The following PRKCE variants were observed in gnomAD, a reference collection of about 807,000 sequenced individuals.
The protein encoded by PRKCE is protein kinase C epsilon, also known as protein kinase C epsilon type.
Under a neutral mutation model 85.4 loss-of-function variants are expected in PRKCE, and 16 were observed. The observed-to-expected ratio is 0.19, with a 90% CI of 0.13 to 0.28. The LOEUF is 0.28. PRKCE is among the 10% of genes least tolerant of loss of function. PRKCE has a pLI of 1.00. For missense variants in PRKCE, 573 were observed against 975.2 expected, an observed-to-expected ratio of 0.59 and a Z score of 5.49; for synonymous variants, 388 against 371.5, an observed-to-expected ratio of 1.04 and a Z score of -0.51.
intron 1 of PRKCE, among the ~76,000 whole-genome samples, chr2:45,670,527 C>T (rs189549841): frequency 1.3e-5 from 2 of 151,984 alleles, no homozygotes; most frequent in Non-Finnish European, 1.5e-5. Context: ...TATGTGAGTA[C>T]GTATGATCTT....
intron 1 of PRKCE, among the ~76,000 whole-genome samples, chr2:45,729,943 G>T (rs1360448838): frequency 6.6e-6 from 1 of 152,180 alleles, no homozygotes; most frequent in Non-Finnish European, 1.5e-5. Flanking sequence ...AGATCTTTGG[G>T]TCCTGGGCAT....
At chr2:46,121,959 T>C (rs1673352980) in intron 11 of PRKCE, among the ~76,000 whole-genome samples, 1 of 152,208 alleles carries the variant, frequency 6.6e-6, no homozygotes, top group African/African-American at 2.4e-5. Context: ...TCTCTTTTTT[T>C]CACCCTTTTT....
At chr2:46,054,452 C>G (rs1231972150) in intron 10 of PRKCE, among the ~76,000 whole-genome samples, 6 of 152,182 alleles carry the variant, frequency 3.9e-5, no homozygotes, top group East Asian at 1.9e-4. Context: ...CAGAATACCC[C>G]CTCAGCCTCT....
At chr2:45,696,758 C>T (rs926153717) in intron 1 of PRKCE, among the ~76,000 whole-genome samples, 6 of 152,218 alleles carry the variant, frequency 3.9e-5, no homozygotes, top group Non-Finnish European at 8.8e-5. Context: ...CATTGTTCCA[C>T]AGAGTGAAAT....
chr2:45,976,664 T>C (rs1197537260), intron 3 of PRKCE, 76 bp downstream of exon 3: 2 of 1,486,270 alleles, frequency 1.3e-6, no homozygotes, highest in African/African-American at 1.4e-5. Context: ...GGGGAGACTA[T>C]GCACCTCATT....
chr2:45,883,521 C>T (rs372723808), intron 2 of PRKCE, among the ~76,000 whole-genome samples: 153 of 152,330 alleles, frequency 1.0e-3, no homozygotes, highest in African/African-American at 3.4e-3. Context: ...TACCCTTCTC[C>T]GCATGTGCCA....
intron 1 of PRKCE, among the ~76,000 whole-genome samples, chr2:45,821,678 C>T (rs1024027969): frequency 1.3e-5 from 2 of 152,102 alleles, no homozygotes; most frequent in African/African-American, 4.8e-5. Context: ...CCGGCCTGAG[C>T]ATTGGGCACT....
chr2:45,795,433 C>T (rs1387920359), intron 1 of PRKCE, among the ~76,000 whole-genome samples: 4 of 152,042 alleles, frequency 2.6e-5, no homozygotes, highest in Admixed American at 2.6e-4. Context: ...CTCAGCCTCC[C>T]GAGTAGCTGG....
intron 1 of PRKCE, among the ~76,000 whole-genome samples, chr2:45,661,685 C>T (rs1009541223): frequency 1.3e-4 from 20 of 148,906 alleles, no homozygotes; most frequent in African/African-American, 2.7e-4. Context: ...CCCGCCACCA[C>T]GCCCAGCTAA....
intron 2 of PRKCE, among the ~76,000 whole-genome samples, chr2:45,910,665 A>G (rs1697320170): frequency 6.6e-6 from 1 of 152,232 alleles, no homozygotes; most frequent in Non-Finnish European, 1.5e-5. Flanking sequence ...AGTGTCTCAC[A>G]GCAGGGGCTC....
chr2:46,029,038 A>C (rs971418577), intron 10 of PRKCE, among the ~76,000 whole-genome samples: 1 of 152,026 alleles, frequency 6.6e-6, no homozygotes, highest in Admixed American at 6.5e-5. Context: ...TATATACCAC[A>C]TTTTCTTTAC....
intron 11 of PRKCE, among the ~76,000 whole-genome samples, chr2:46,127,095 T>G (rs987021098): frequency 1.3e-5 from 2 of 152,150 alleles, no homozygotes; most frequent in African/African-American, 4.8e-5. Context: ...GCCCACAGAT[T>G]TGGGCCTTCC....
chr2:46,009,792 T>C (rs1396588639), intron 9 of PRKCE, among the ~76,000 whole-genome samples: 1 of 152,224 alleles, frequency 6.6e-6, no homozygotes, highest in Non-Finnish European at 1.5e-5. Flanking sequence ...TTTACTTGAA[T>C]TGAGTATAAG....
chr2:45,700,174 G>A (rs1418420106), intron 1 of PRKCE, among the ~76,000 whole-genome samples: 7 of 149,178 alleles, frequency 4.7e-5, no homozygotes, highest in East Asian at 3.9e-4. Flanking sequence ...AGGCCCTGCC[G>A]GGAGCCAGGG....
intron 1 of PRKCE, among the ~76,000 whole-genome samples, chr2:45,769,912 G>T (rs1455745193): frequency 1.3e-5 from 2 of 152,226 alleles, no homozygotes; most frequent in Admixed American, 6.5e-5. Context: ...ACATGTACAC[G>T]GCGCCAATCT....
rs1182612116 is a variant in PRKCE at position 45,669,836 on chromosome 2, C to A, written c.348+17388C>A. Among the ~76,000 whole-genome samples the A allele has an allele frequency of 2.6e-5, 4 of 152,032 alleles. 1 individual carries two copies. The highest frequency in any genetic ancestry group is 3.9e-4 in the East Asian group (2 of 5,182). ...GACCAGCCTGGCCAACATGGCGAAA[C>A]CCCGTCTCTACTAAAAATACAAAAA... On this transcript the variant is annotated intron_variant, in intron 1 of 14. Transcript: ENST00000306156.
At chr2:46,036,152 G>A (rs1301376739) in intron 10 of PRKCE, among the ~76,000 whole-genome samples, 3 of 152,222 alleles carry the variant, frequency 2.0e-5, no homozygotes, top group Non-Finnish European at 1.5e-5. Context: ...TCCTGTGGCA[G>A]GAGTGTGTCT....
At chr2:45,838,522 C>T (rs1691080668) in intron 1 of PRKCE, among the ~76,000 whole-genome samples, 1 of 152,170 alleles carries the variant, frequency 6.6e-6, no homozygotes, top group African/African-American at 2.4e-5. Flanking sequence ...CCCGATGCCC[C>T]CGAATACCCT....
chr2:45,716,456 G>T (rs190748950), intron 1 of PRKCE, among the ~76,000 whole-genome samples: 1 of 152,062 alleles, frequency 6.6e-6, no homozygotes, highest in Non-Finnish European at 1.5e-5. Context: ...AGCAGAAGTT[G>T]CAGAGAGCCA....
Sources: gnomAD v4.1 joint callset for allele counts (sites outside exome capture counted in the v4.1 genomes callset) on GRCh38, gnomAD v4.1.1 for gene constraint, MANE v1.5 for transcripts, NCBI Gene and HGNC (gene_info 2026-07-23, HGNC 2026-07-21) for gene names.